Variants in DNER observed in about 807,000 individuals in gnomAD.
DNER encodes the protein delta and Notch-like epidermal growth factor-related receptor.
Under a neutral mutation model 78.2 loss-of-function variants are expected in DNER, and 33 were observed. That is an observed-to-expected ratio of 0.42 (90% CI 0.32 to 0.56). The LOEUF (loss-of-function observed/expected upper bound fraction) is 0.56, where lower values mean the gene tolerates loss of function less well. Ranked by LOEUF, DNER falls within the 20% of genes least tolerant of loss-of-function variation. The pLI, the probability that DNER is intolerant of heterozygous loss-of-function variation, is 0.11. For synonymous variants in DNER, 417 were observed against 384.8 expected, an observed-to-expected ratio of 1.08 and a Z score of -0.98; for missense variants, 918 against 975.3, an observed-to-expected ratio of 0.94 and a Z score of 0.78.
intron 1 of DNER, among the ~76,000 whole-genome samples, chr2:229,699,647 T>C (rs894317916): frequency 7.9e-5 from 12 of 152,176 alleles, no homozygotes; most frequent in African/African-American, 2.9e-4. Flanking sequence ...ATTACAAGCA[T>C]GAGTCACCAC....
intron 4 of DNER, among the ~76,000 whole-genome samples, chr2:229,580,958 G>A (rs1047034337): frequency 5.9e-5 from 9 of 152,134 alleles, no homozygotes; most frequent in Admixed American, 5.2e-4. Context: ...AAGTTTGGGG[G>A]TCTGAGGCTC....
intron 5 of DNER, among the ~76,000 whole-genome samples, chr2:229,525,119 T>A (rs1331280280): frequency 6.6e-6 from 1 of 152,224 alleles, no homozygotes; most frequent in African/African-American, 2.4e-5. Flanking sequence ...TATCACAGGC[T>A]GCAGCTAAAA....
rs530658265 is a variant in DNER, at chr2:229,453,935, A to G, written c.1262-6395T>C. Among the ~76,000 whole-genome samples, 24 of 151,126 alleles carry G rather than the reference A, an allele frequency of 1.6e-4. No homozygotes were observed. In the East Asian group the frequency reaches 2.1e-3, roughly 13 times the overall value. On this transcript the variant is annotated intron_variant, in intron 7 of 12. Coordinates refer to ENST00000341772, the MANE Select transcript of DNER (RefSeq NM_139072.4). The stretch of plus-strand genomic sequence containing the variant: ...TAAAATATATTAAAAAAAAAAAAAA[A>G]AAAAAAAGAAAGAAGAGAAACCAGG...
chr2:229,425,088 T>G (rs1693844377), intron 8 of DNER, among the ~76,000 whole-genome samples: 1 of 152,102 alleles, frequency 6.6e-6, no homozygotes, highest in Admixed American at 6.5e-5. Flanking sequence ...GCAAAAGGAT[T>G]TCTGGACAAT....
chr2:229,660,190 G>C (rs1010167755), intron 1 of DNER, among the ~76,000 whole-genome samples: 2 of 152,040 alleles, frequency 1.3e-5, no homozygotes, highest in Non-Finnish European at 2.9e-5. Flanking sequence ...CTTGGGTCAC[G>C]GTGTTTTTTT....
At chr2:229,694,302 C>T (rs1178641785) in intron 1 of DNER, among the ~76,000 whole-genome samples, 1 of 152,184 alleles carries the variant, frequency 6.6e-6, no homozygotes, top group Non-Finnish European at 1.5e-5. Flanking sequence ...TAGGGCAGTG[C>T]AGAAGGGAAA....
chr2:229,538,034 A>C (rs1457869119), intron 5 of DNER, among the ~76,000 whole-genome samples: 1 of 152,164 alleles, frequency 6.6e-6, no homozygotes, highest in African/African-American at 2.4e-5. Context: ...AGCCAATGAA[A>C]ATCTAGACAG....
At chr2:229,672,102 C>A (rs2154216860) in intron 1 of DNER, among the ~76,000 whole-genome samples, 1 of 152,252 alleles carries the variant, frequency 6.6e-6, no homozygotes, top group South Asian at 2.1e-4. Context: ...AAGACAAGGA[C>A]AACAATGATT....
chr2:229,510,745 A>T (rs1695850217), intron 6 of DNER, among the ~76,000 whole-genome samples: 1 of 152,170 alleles, frequency 6.6e-6, no homozygotes, highest in Non-Finnish European at 1.5e-5. Flanking sequence ...GATGCCATGT[A>T]GGCTGTCAAG....
At chr2:229,413,824 C>A (rs1019107192) in intron 9 of DNER, among the ~76,000 whole-genome samples, 2 of 151,074 alleles carry the variant, frequency 1.3e-5, no homozygotes, top group African/African-American at 4.9e-5. Flanking sequence ...GTAAAAATTA[C>A]CACTTAAAAA....
chr2:229,433,500 G>C (rs1205141245), intron 8 of DNER, among the ~76,000 whole-genome samples: 1 of 151,454 alleles, frequency 6.6e-6, no homozygotes, highest in East Asian at 1.9e-4. Context: ...CAGAATGAGG[G>C]AAAGTAATAA....
intron 7 of DNER, among the ~76,000 whole-genome samples, chr2:229,467,991 G>C (rs567964550): frequency 8.7e-4 from 133 of 152,310 alleles, no homozygotes; most frequent in African/African-American, 3.0e-3. Context: ...CCACAGCCGT[G>C]ACAGTGGCAC....
chr2:229,582,931 G>A (rs777668699), intron 4 of DNER, among the ~76,000 whole-genome samples: 4 of 152,066 alleles, frequency 2.6e-5, no homozygotes, highest in Admixed American at 1.3e-4. Flanking sequence ...GAGCCACCGC[G>A]CCTGACCTAA....
chr2:229,527,327 A>C (rs557293418), intron 5 of DNER, among the ~76,000 whole-genome samples: 2 of 152,194 alleles, frequency 1.3e-5, no homozygotes, highest in Non-Finnish European at 2.9e-5. Flanking sequence ...CCCCAAACCC[A>C]GATCCCTGTT....
At chr2:229,625,019 T>C (rs1355029230) in intron 1 of DNER, among the ~76,000 whole-genome samples, 1 of 152,238 alleles carries the variant, frequency 6.6e-6, no homozygotes, top group African/African-American at 2.4e-5. Flanking sequence ...TTCATTTTAC[T>C]CTTTATATTA....
chr2:229,386,278 C>T (rs759411867), intron 11 of DNER, among the ~76,000 whole-genome samples: 10 of 152,094 alleles, frequency 6.6e-5, no homozygotes, highest in Non-Finnish European at 7.4e-5. Flanking sequence ...ATGCAGAAAA[C>T]GGAAACTGGA....
intron 5 of DNER, among the ~76,000 whole-genome samples, chr2:229,524,830 C>T (rs576328760): frequency 6.6e-6 from 1 of 152,328 alleles, no homozygotes; most frequent in Non-Finnish European, 1.5e-5. Context: ...ACACTCTGAT[C>T]GCTCTGGGCC....
At chr2:229,489,196 C>T (rs1695341719) in intron 6 of DNER, among the ~76,000 whole-genome samples, 2 of 152,318 alleles carry the variant, frequency 1.3e-5, no homozygotes, top group Middle Eastern at 3.4e-3. Flanking sequence ...GGCAGCATGG[C>T]CTGCGGGGAG....
chr2:229,672,579 A>G (rs1699228366), intron 1 of DNER, among the ~76,000 whole-genome samples: 1 of 151,424 alleles, frequency 6.6e-6, no homozygotes, highest in South Asian at 2.1e-4. Context: ...AGGAGAGAAG[A>G]AAGGAGAGAG....
Sources: allele counts gnomAD v4.1 joint callset (sites outside exome capture counted in the v4.1 genomes callset), GRCh38; gene constraint gnomAD v4.1.1; transcripts MANE v1.5; gene names NCBI Gene and HGNC (gene_info 2026-07-23, HGNC 2026-07-21).